The following ZBTB7C variants were observed in gnomAD, a reference collection of about 807,000 sequenced individuals.
The protein encoded by ZBTB7C is zinc finger and BTB domain containing 7C.
A neutral mutation model predicts 25.7 loss-of-function variants in ZBTB7C; 8 were observed. That is an observed-to-expected ratio of 0.31 (90% CI 0.18 to 0.56). The LOEUF is 0.56. Ranked by LOEUF, ZBTB7C falls within the 20% of genes least tolerant of loss-of-function variation. The probability of loss-of-function intolerance (pLI) is 0.91; values close to 1 mark genes in which losing one functional copy is unlikely to be tolerated. For missense variants in ZBTB7C, 824 were observed against 855.2 expected, an observed-to-expected ratio of 0.96 and a Z score of 0.46; for synonymous variants, 394 against 369.0, an observed-to-expected ratio of 1.07 and a Z score of -0.78.
chr18:48,384,584 A>C (rs2145222790), intron 1 of ZBTB7C, among the ~76,000 whole-genome samples: 1 of 152,346 alleles, frequency 6.6e-6, no homozygotes, highest in African/African-American at 2.4e-5. Context: ...CTTTGAATGC[A>C]GCCCTACACA....
intron 2 of ZBTB7C, among the ~76,000 whole-genome samples, chr18:48,282,264 G>C (rs929869611): frequency 2.3e-5 from 3 of 132,174 alleles, no homozygotes; most frequent in African/African-American, 5.8e-5. Flanking sequence ...TGAACAATGA[G>C]AACACATGGA....
chr18:48,133,232 T>C (rs2040041204), intron 3 of ZBTB7C, among the ~76,000 whole-genome samples: 1 of 152,174 alleles, frequency 6.6e-6, no homozygotes, highest in African/African-American at 2.4e-5. Context: ...TCCTTCTCAC[T>C]AGCTGGCCTC....
chr18:48,337,499 C>T (rs1320113112), intron 2 of ZBTB7C, among the ~76,000 whole-genome samples: 1 of 152,210 alleles, frequency 6.6e-6, no homozygotes, highest in Non-Finnish European at 1.5e-5. Context: ...TTGCTTGATG[C>T]TTCCAGGCTT....
At chr18:48,107,722 C>T (rs1176838115) in intron 3 of ZBTB7C, among the ~76,000 whole-genome samples, 1 of 152,106 alleles carries the variant, frequency 6.6e-6, no homozygotes, top group Non-Finnish European at 1.5e-5. Flanking sequence ...GGACAGCGTA[C>T]CCTTCCCCGC....
At chr18:48,289,356 T>C (rs1229476736) in intron 2 of ZBTB7C, among the ~76,000 whole-genome samples, 3 of 152,184 alleles carry the variant, frequency 2.0e-5, no homozygotes, top group African/African-American at 4.8e-5. Flanking sequence ...ACAATCTAAA[T>C]GCCCATCAGC....
chr18:48,167,910 C>A (rs6507820), intron 3 of ZBTB7C, among the ~76,000 whole-genome samples: 1 of 152,070 alleles, frequency 6.6e-6, no homozygotes, highest in Non-Finnish European at 1.5e-5. Context: ...CAGCAACAGT[C>A]GGATAAAGGT....
chr18:48,234,996 A>T (rs967436831), intron 2 of ZBTB7C, among the ~76,000 whole-genome samples: 7 of 152,200 alleles, frequency 4.6e-5, no homozygotes, highest in African/African-American at 1.7e-4. Flanking sequence ...TGAATATAAC[A>T]ATACTAGCGT....
intron 3 of ZBTB7C, among the ~76,000 whole-genome samples, chr18:48,141,756 A>G (rs1313359149): frequency 3.3e-5 from 5 of 152,188 alleles, no homozygotes; most frequent in African/African-American, 1.2e-4. Context: ...AATTTTGAGG[A>G]AAACTGAAAG....
At chr18:48,250,961 T>C (rs1007600334) in intron 2 of ZBTB7C, among the ~76,000 whole-genome samples, 1 of 152,110 alleles carries the variant, frequency 6.6e-6, no homozygotes, top group Non-Finnish European at 1.5e-5. Context: ...TAACCTCTCA[T>C]GCCTATAATC....
chr18:48,389,363 T>C (rs1480814490), intron 1 of ZBTB7C, among the ~76,000 whole-genome samples: 1 of 80,290 alleles, frequency 1.2e-5, no homozygotes, highest in African/African-American at 6.6e-5. Context: ...GCTTCAAAGA[T>C]AGACCAAAAA....
chr18:48,213,487 G>A (rs750568715), intron 2 of ZBTB7C, among the ~76,000 whole-genome samples: 15 of 152,254 alleles, frequency 9.9e-5, no homozygotes, highest in East Asian at 3.9e-4. Flanking sequence ...TCCTGTGCGT[G>A]CTAGAGATTA....
chr18:48,172,529 G>A (rs1054178807), intron 3 of ZBTB7C, among the ~76,000 whole-genome samples: 3 of 152,224 alleles, frequency 2.0e-5, no homozygotes, highest in African/African-American at 7.2e-5. Flanking sequence ...ATCAGTGGGA[G>A]CTGGGGGAGA....
chr18:48,255,277 A>G (rs1303287173), intron 2 of ZBTB7C, among the ~76,000 whole-genome samples: 2 of 152,252 alleles, frequency 1.3e-5, no homozygotes, highest in African/African-American at 2.4e-5. Flanking sequence ...GAGAAAGACA[A>G]TGAAAAAGGT....
At chr18:48,233,558 G>A (rs2043307929) in intron 2 of ZBTB7C, among the ~76,000 whole-genome samples, 2 of 152,336 alleles carry the variant, frequency 1.3e-5, no homozygotes, top group Middle Eastern at 3.4e-3. Context: ...TACTGCCCCT[G>A]TTCTAGCTGA....
At chr18:48,340,772 T>G (rs1490053464) in intron 1 of ZBTB7C, among the ~76,000 whole-genome samples, 1 of 152,202 alleles carries the variant, frequency 6.6e-6, no homozygotes, top group Non-Finnish European at 1.5e-5. Flanking sequence ...TTATCTGTGC[T>G]GTCAGCAAAA....
chr18:48,342,228 G>C (rs2046619479), intron 1 of ZBTB7C, among the ~76,000 whole-genome samples: 1 of 152,228 alleles, frequency 6.6e-6, no homozygotes, highest in Non-Finnish European at 1.5e-5. Flanking sequence ...TTCAAAGTGG[G>C]CTGCTGCCCA....
At chr18:48,253,211 G>C (rs1166410468) in intron 2 of ZBTB7C, among the ~76,000 whole-genome samples, 2 of 148,278 alleles carry the variant, frequency 1.3e-5, no homozygotes, top group Non-Finnish European at 2.9e-5. Context: ...TTGAAAAAAA[G>C]AGAAAAAGAG....
intron 3 of ZBTB7C, among the ~76,000 whole-genome samples, chr18:48,135,105 T>G (rs555628841): frequency 6.6e-6 from 1 of 152,136 alleles, no homozygotes; most frequent in Non-Finnish European, 1.5e-5. Context: ...TCTCACTTCA[T>G]CCAACCCTTT....
At chr18:48,308,675 C>G (rs2045738949) in intron 2 of ZBTB7C, among the ~76,000 whole-genome samples, 1 of 152,244 alleles carries the variant, frequency 6.6e-6, no homozygotes, top group Non-Finnish European at 1.5e-5. Context: ...AATGTCTGTA[C>G]TTGTGTCACA....
Sources: allele counts gnomAD v4.1 joint callset (sites outside exome capture counted in the v4.1 genomes callset), GRCh38; gene constraint gnomAD v4.1.1; transcripts MANE v1.5; gene names NCBI Gene and HGNC (gene_info 2026-07-23, HGNC 2026-07-21).